JPH2: variants seen among roughly 807,000 people sequenced by gnomAD.
JPH2 encodes the protein junctophilin 2, also known as junctophilin-2.
Under a neutral mutation model 55.9 loss-of-function variants are expected in JPH2, and 38 were observed. The ratio of observed to expected loss-of-function variants is 0.68; its 90% CI spans 0.52 to 0.89. The LOEUF (loss-of-function observed/expected upper bound fraction) is 0.89, where lower values mean the gene tolerates loss of function less well. Ranked by LOEUF, JPH2 falls within the 40% of genes least tolerant of loss-of-function variation. The pLI, the probability that JPH2 is intolerant of heterozygous loss-of-function variation, is 0.00. For synonymous variants in JPH2, 480 were observed against 472.4 expected, an observed-to-expected ratio of 1.02 and a Z score of -0.21; for missense variants, 964 against 1,037.6, an observed-to-expected ratio of 0.93 and a Z score of 0.97.
At chr20:44,180,832 C>G (rs2072775934) in intron 1 of JPH2, among the ~76,000 whole-genome samples, 1 of 151,728 alleles carries the variant, frequency 6.6e-6, no homozygotes, top group Non-Finnish European at 1.5e-5. Context: ...GTCTCTGAGG[C>G]CAACGCAGGG....
intron 1 of JPH2, 119 bp downstream of exon 1, chr20:44,186,208 A>G (rs2072838593): frequency 2.5e-6 from 3 of 1,183,814 alleles, no homozygotes; most frequent in Admixed American, 4.3e-5. Context: ...CCACACAGCA[A>G]ATCACTTCCT....
At chr20:44,123,762 C>T (rs1373738396) in intron 2 of JPH2, among the ~76,000 whole-genome samples, 3 of 152,192 alleles carry the variant, frequency 2.0e-5, no homozygotes, top group East Asian at 3.9e-4. Context: ...TTGAAGGGAA[C>T]GAGCCTAGGA....
chr20:44,109,344 C>G lies in JPH2; in HGVS notation c.*4174G>C, dbSNP rs149763023. On this transcript the variant is annotated 3_prime_UTR_variant, in exon 6 of 6. Transcript: ENST00000372980. ...TGCTCACACCATGCTGGGAATTGTT[C>G]TAAGTGCTGTGTTCATATTTTCTAT... is the stretch of plus-strand genomic sequence containing the variant. 2.9e-3 allele frequency among the ~76,000 whole-genome samples: 436 copies of G among 152,352 alleles called. No homozygotes were observed. Among genetic ancestry groups the G allele is most frequent in the Middle Eastern group, 0.014 (4 of 294 alleles).
chr20:44,141,036 A>C, intron 2 of JPH2, among the ~76,000 whole-genome samples: 1 of 152,160 alleles, frequency 6.6e-6, no homozygotes, highest in Non-Finnish European at 1.5e-5. Flanking sequence ...GGAGACATGA[A>C]AACAGAGGTG....
chr20:44,176,027 T>C (rs2072730708), intron 1 of JPH2, among the ~76,000 whole-genome samples: 1 of 152,180 alleles, frequency 6.6e-6, no homozygotes, highest in Admixed American at 6.5e-5. Context: ...TCTCAGTTCA[T>C]GGCAACACCA....
intron 2 of JPH2, among the ~76,000 whole-genome samples, chr20:44,154,624 G>A (rs186457932): frequency 1.3e-5 from 2 of 152,302 alleles, no homozygotes; most frequent in Non-Finnish European, 2.9e-5. Flanking sequence ...AGCCCGGAGG[G>A]AGGAGCTGGA....
chr20:44,116,747 T>A (rs565756548), intron 3 of JPH2, among the ~76,000 whole-genome samples: 1 of 152,188 alleles, frequency 6.6e-6, no homozygotes, highest in African/African-American at 2.4e-5. Flanking sequence ...ATCTGAAACA[T>A]GGGCCTGATC....
intron 1 of JPH2, among the ~76,000 whole-genome samples, chr20:44,181,423 C>A (rs1212517128): frequency 2.0e-5 from 3 of 152,160 alleles, no homozygotes; most frequent in African/African-American, 7.2e-5. Flanking sequence ...TTATCTTATT[C>A]TCTGTGAAAT....
At chr20:44,128,173 T>C in intron 2 of JPH2, among the ~76,000 whole-genome samples, 1 of 152,236 alleles carries the variant, frequency 6.6e-6, no homozygotes, top group East Asian at 1.9e-4. Flanking sequence ...AAGAAGGTTT[T>C]GCCTAATCCA....
At chr20:44,126,847 A>G (rs2072280649) in intron 2 of JPH2, among the ~76,000 whole-genome samples, 1 of 152,198 alleles carries the variant, frequency 6.6e-6, no homozygotes, top group Non-Finnish European at 1.5e-5. Context: ...CTCAAGCCCA[A>G]TTTGTAGCAC....
rs192259515 is a variant in JPH2 at position 44,134,118 on chromosome 20, A to T, written c.1170-15495T>A. Among the ~76,000 whole-genome samples, 35 of 9,914 alleles carry T rather than the reference A, an allele frequency of 3.5e-3. 3 individuals carry two copies. The highest frequency in any genetic ancestry group is 5.5e-3 in the African/African-American group (13 of 2,364). 6.5% of individuals were successfully genotyped at this position (9,914 alleles called of 152,430 possible). ...TATATTTATTATAAATATATAAATA[A>T]ATATTTATTATAAATATATAAATAA... is the stretch of plus-strand genomic sequence containing the variant. On this transcript the variant is annotated intron_variant, in intron 2 of 5. Transcript: ENST00000372980.
intron 2 of JPH2, among the ~76,000 whole-genome samples, chr20:44,135,740 G>A (rs147356217): frequency 1.9e-3 from 295 of 152,296 alleles, no homozygotes; most frequent in Middle Eastern, 3.4e-3. Context: ...TTGACTGTGA[G>A]ACTCACAGAG....
chr20:44,117,032 G>A (rs2072197963), intron 3 of JPH2, among the ~76,000 whole-genome samples: 4 of 152,356 alleles, frequency 2.6e-5, no homozygotes, highest in South Asian at 4.1e-4. Flanking sequence ...TGTAATCCCA[G>A]CACTTTGGGA....
In JPH2 at chr20:44,160,544, G is replaced by T; in HGVS notation, c.380-137C>A. 1.2e-6 allele frequency: 1 copy of T among 853,774 alleles called. No individual in the cohort carries two copies. The highest frequency in any genetic ancestry group is 1.9e-6 in the Non-Finnish European group (1 of 526,804). The allele number at this position is 853,774 out of a possible 1,614,324, so 52.9% of individuals were successfully genotyped here. ...CGCAAGGCCGTCTGAGGGTCAGGGT[G>T]CACAGTGCTATGAGTGTTTGAGTCT... On this transcript the variant is annotated intron_variant, in intron 1 of 5. Transcript: ENST00000372980. The surrounding 1 kb of genome is among the most constrained non-coding windows in gnomAD (Gnocchi z 4.9).
At chr20:44,155,456 G>A (rs1042556897) in intron 2 of JPH2, among the ~76,000 whole-genome samples, 1 of 152,166 alleles carries the variant, frequency 6.6e-6, no homozygotes, top group Non-Finnish European at 1.5e-5. Flanking sequence ...TTGGAAGAAG[G>A]AGCAAATCTT....
At chr20:44,126,627 G>A (rs1007529547) in intron 2 of JPH2, among the ~76,000 whole-genome samples, 3 of 152,086 alleles carry the variant, frequency 2.0e-5, no homozygotes, top group Admixed American at 6.5e-5. Context: ...AGCCCCCTCC[G>A]CCCCCAAGGA....
In JPH2 at chr20:44,116,146, C is replaced by T. The variant is rs1182932862; in HGVS notation, c.1529G>A (p.Gly510Asp). 3.5e-6 allele frequency: 5 copies of T among 1,434,060 alleles called. No individual in the cohort carries two copies. The South Asian group carries it at 4.4e-5, about 13-fold the overall frequency. The allele number at this position is 1,434,060 out of a possible 1,614,324, so 88.8% of individuals were successfully genotyped here. A position where few individuals can be genotyped will look rare whatever the true frequency, so the allele number is the denominator to read the frequency against. The part of the protein sequence containing the change: ...GVSKDGLLSP[G>D]AWNGEPSGEG... ...ACCGCTGGGCTCGCCGTTCCAGGCG[C>T]CTGGGCTCAGCAGGCCGTCCTTGGA... The change falls in exon 4 of 6, where the codon GGC becomes GAC. Residue 510 changes from glycine to aspartate, a missense_variant. Transcript: ENST00000372980.
intron 2 of JPH2, among the ~76,000 whole-genome samples, chr20:44,152,037 C>A (rs1208658465): frequency 6.6e-6 from 1 of 152,212 alleles, no homozygotes; most frequent in East Asian, 1.9e-4. Context: ...TCTCCTTCCT[C>A]CCTCTCCACC....
intron 2 of JPH2, among the ~76,000 whole-genome samples, chr20:44,155,041 A>T (rs1410745996): frequency 6.6e-6 from 1 of 151,888 alleles, no homozygotes. Flanking sequence ...GGGCACAGGC[A>T]TTGGCAGGAA....
Sources: gnomAD v4.1 joint callset for allele counts (sites outside exome capture counted in the v4.1 genomes callset) on GRCh38, gnomAD v4.1.1 for gene constraint, Gnocchi (gnomAD v3.1) non-coding constraint, MANE v1.5 for transcripts, NCBI Gene and HGNC (gene_info 2026-07-23, HGNC 2026-07-21) for gene names.